ZCWPW2: variants seen among roughly 807,000 people sequenced by gnomAD.
ZCWPW2 encodes zinc finger CW-type PWWP domain protein 2.
A neutral mutation model predicts 46.6 loss-of-function variants in ZCWPW2; 45 were observed. The ratio of observed to expected loss-of-function variants is 0.96; its 90% CI spans 0.76 to 1.24. The LOEUF is 1.24. Among genes scored for constraint, ZCWPW2 ranks in the 50% most tolerant of loss-of-function variants. The pLI is 0.00. For missense variants in ZCWPW2, 429 were observed against 403.9 expected, an observed-to-expected ratio of 1.06 and a Z score of -0.53; for synonymous variants, 152 against 137.1, an observed-to-expected ratio of 1.11 and a Z score of -0.76.
Position 28,502,679 on chromosome 3 carries a change from G to A in ZCWPW2, c.657+10506G>A, listed in dbSNP as rs150183786. ...CAAGTAGTGTAAGAAATGTTGGCTA[G>A]CAACTAGCTATAAGGGGAAGTTTTT... On this transcript the variant is annotated intron_variant, in intron 6 of 9. Transcript: ENST00000383768. Among the ~76,000 whole-genome samples the A allele has an allele frequency of 4.9e-4, 75 of 152,266 alleles. 2 individuals carry two copies. Among genetic ancestry groups the A allele is most frequent in the African/African-American group, 1.8e-3 (73 of 41,560 alleles).
chr3:28,504,090 A>G (rs539220485), intron 6 of ZCWPW2, among the ~76,000 whole-genome samples: 97 of 152,064 alleles, frequency 6.4e-4, no homozygotes, highest in South Asian at 8.3e-4. Context: ...CCAGCTACTC[A>G]AGAGGCTGAG....
intron 1 of ZCWPW2, among the ~76,000 whole-genome samples, 152 bp downstream of exon 1, chr3:28,349,355 C>T (rs1421645667): frequency 1.3e-5 from 2 of 152,148 alleles, no homozygotes; most frequent in Non-Finnish European, 2.9e-5. Flanking sequence ...TACAGGCTTA[C>T]GAGCTGACGT....
chr3:28,469,575 A>G (rs971642353), intron 4 of ZCWPW2, among the ~76,000 whole-genome samples: 2 of 152,158 alleles, frequency 1.3e-5, no homozygotes, highest in Middle Eastern at 3.2e-3. Context: ...AGATATACTT[A>G]ATACCAGACA....
intron 2 of ZCWPW2, among the ~76,000 whole-genome samples, chr3:28,399,267 A>G (rs1262081147): frequency 1.3e-5 from 2 of 152,126 alleles, no homozygotes; most frequent in Non-Finnish European, 2.9e-5. Context: ...CCTCCACAGC[A>G]GCTGCAGCAA....
At chr3:28,401,184 AAAAC>A (rs749903488) in intron 2 of ZCWPW2, among the ~76,000 whole-genome samples, 60 of 152,266 alleles carry the variant, frequency 3.9e-4, no homozygotes, top group African/African-American at 9.6e-4. Context: ...TCTCAAAAAA[AAAAC>A]AAACAAAAAA....
At chr3:28,498,632 C>T (rs1575211488) in intron 6 of ZCWPW2, among the ~76,000 whole-genome samples, 1 of 151,064 alleles carries the variant, frequency 6.6e-6, no homozygotes, top group Non-Finnish European at 1.5e-5. Context: ...TTCTATTAGA[C>T]AGTTAGGATT....
chr3:28,442,492 C>T (rs756510601), intron 4 of ZCWPW2, among the ~76,000 whole-genome samples: 2 of 152,178 alleles, frequency 1.3e-5, no homozygotes, highest in Admixed American at 6.5e-5. Context: ...GAAAAGCGAT[C>T]AAGGTCTCTT....
At chr3:28,429,703 C>A (rs1003136024) in intron 3 of ZCWPW2, among the ~76,000 whole-genome samples, 1 of 152,126 alleles carries the variant, frequency 6.6e-6, no homozygotes, top group Non-Finnish European at 1.5e-5. Flanking sequence ...ATAATGGTTT[C>A]ACGGGCCGGG....
intron 4 of ZCWPW2, among the ~76,000 whole-genome samples, chr3:28,464,002 A>C (rs1698733146): frequency 6.6e-6 from 1 of 151,640 alleles, no homozygotes; most frequent in Non-Finnish European, 1.5e-5. Flanking sequence ...CAAAAGGAAA[A>C]TTTTGGGGGA....
At chr3:28,371,942 A>G (rs1274654947) in intron 1 of ZCWPW2, among the ~76,000 whole-genome samples, 2 of 149,364 alleles carry the variant, frequency 1.3e-5, no homozygotes. Context: ...TTGTTCTTTC[A>G]TCTTCCTTCT....
Position 28,382,476 on chromosome 3 carries a change from A to G in ZCWPW2, c.-133-8022A>G, listed in dbSNP as rs563888994. 1.0e-3 allele frequency among the ~76,000 whole-genome samples: 157 copies of G among 152,292 alleles called. 1 individual carries two copies. The highest frequency in any genetic ancestry group is 3.5e-3 in the African/African-American group (145 of 41,586). ...CTTTAAAGACCCTAACTCCAAGTAG[A>G]GTAATATTCTGAGTTACTGGAGATT... On this transcript the variant is annotated intron_variant, in intron 1 of 9. Transcript: ENST00000383768.
chr3:28,369,811 G>C (rs1575057280), intron 1 of ZCWPW2, among the ~76,000 whole-genome samples: 1 of 152,188 alleles, frequency 6.6e-6, no homozygotes, highest in Admixed American at 6.5e-5. Context: ...CCACCCAGTT[G>C]GAGCTTCCTG....
intron 6 of ZCWPW2, among the ~76,000 whole-genome samples, chr3:28,498,624 C>T (rs1430177477): frequency 6.6e-6 from 1 of 150,874 alleles, no homozygotes; most frequent in Non-Finnish European, 1.5e-5. Flanking sequence ...TATCATAGTT[C>T]TATTAGACAG....
intron 6 of ZCWPW2, among the ~76,000 whole-genome samples, chr3:28,496,239 T>C (rs1399895913): frequency 6.6e-6 from 1 of 152,014 alleles, no homozygotes; most frequent in Non-Finnish European, 1.5e-5. Context: ...AAATTTGAGA[T>C]GGCTTTTGTC....
intron 3 of ZCWPW2, among the ~76,000 whole-genome samples, chr3:28,431,972 C>A (rs1341272328): frequency 6.6e-6 from 1 of 152,060 alleles, no homozygotes; most frequent in African/African-American, 2.4e-5. Context: ...AAGTGCTGAG[C>A]AAAGAGGGAA....
chr3:28,505,928 A>G (rs370561823), intron 6 of ZCWPW2, among the ~76,000 whole-genome samples: 8 of 151,882 alleles, frequency 5.3e-5, no homozygotes, highest in African/African-American at 1.7e-4. Context: ...TTAGCTGAAT[A>G]GTGACTTAAG....
At chr3:28,434,567 G>A (rs1275124834) in intron 3 of ZCWPW2, among the ~76,000 whole-genome samples, 1 of 152,160 alleles carries the variant, frequency 6.6e-6, no homozygotes, top group African/African-American at 2.4e-5. Context: ...GGAGGAAGGA[G>A]ACAGGATGGA....
At chr3:28,433,718 TG>T in intron 3 of ZCWPW2, among the ~76,000 whole-genome samples, 1 of 150,500 alleles carries the variant, frequency 6.6e-6, no homozygotes, top group Middle Eastern at 3.4e-3. Context: ...ATCACACCAT[TG>T]GACTCCAGCC....
chr3:28,501,415 A>C (rs766946428), intron 6 of ZCWPW2, among the ~76,000 whole-genome samples: 2 of 152,090 alleles, frequency 1.3e-5, no homozygotes, highest in Non-Finnish European at 2.9e-5. Context: ...TGATTACATG[A>C]CACCTAGTGC....
Sources: allele counts gnomAD v4.1 joint callset (sites outside exome capture counted in the v4.1 genomes callset), GRCh38; gene constraint gnomAD v4.1.1; transcripts MANE v1.5; gene names NCBI Gene and HGNC (gene_info 2026-07-23, HGNC 2026-07-21).